PDS5A: variants seen among roughly 807,000 people sequenced by gnomAD.
PDS5A encodes PDS5 cohesin associated factor A.
A neutral mutation model predicts 167.1 loss-of-function variants in PDS5A; 42 were observed. That is an observed-to-expected ratio of 0.25 (90% CI 0.20 to 0.33). The LOEUF (loss-of-function observed/expected upper bound fraction) is 0.33. Ranked by LOEUF, PDS5A falls within the 10% of genes least tolerant of loss-of-function variation. The pLI, the probability that PDS5A is intolerant of heterozygous loss-of-function variation, is 1.00. For synonymous variants in PDS5A, 553 were observed against 554.6 expected, an observed-to-expected ratio of 1.00 and a Z score of 0.04; for missense variants, 1,033 against 1,605.9, an observed-to-expected ratio of 0.64 and a Z score of 6.10.
At chr4:39,903,349 C>A (rs879392450) in intron 12 of PDS5A, among the ~76,000 whole-genome samples, 8 of 152,176 alleles carry the variant, frequency 5.3e-5, no homozygotes, top group Non-Finnish European at 1.2e-4. Context: ...TATCTTCTTG[C>A]TTCTATTATT....
chr4:39,959,081 T>C lies in PDS5A; in HGVS notation c.138+17359A>G, dbSNP rs1264523438. On this transcript the variant is annotated intron_variant, in intron 2 of 32. Transcript: ENST00000303538. ...CAATCAAAATTCTTAGTGATCTTTT[T>C]ATCTAAAGAAACAAATGCAATCCAA... Among the ~76,000 whole-genome samples the C allele has an allele frequency of 3.3e-5, 5 of 152,172 alleles. No homozygotes were observed. The South Asian group carries it at 8.3e-4, about 25-fold the overall frequency.
At position 39,975,105 on chromosome 4, in the gene PDS5A, TCAAA is replaced by T. The variant is rs1730959621; in HGVS notation, c.138+1331_138+1334del. On this transcript the variant is annotated intron_variant, in intron 2 of 32. Transcript: ENST00000303538. ...CTAGGTGACAGAGCAAGACTCCGTC[TCAAA>T]AAAAAAAAAAAAAAAAAAATTTAGC... 9.4e-5 allele frequency among the ~76,000 whole-genome samples: 6 copies of T among 63,934 alleles called. No homozygotes were observed. In the Admixed American group the frequency reaches 1.1e-3, roughly 12 times the overall value. The allele number at this position is 63,934 out of a possible 152,430, so 41.9% of individuals were successfully genotyped here. A position where few individuals can be genotyped will look rare whatever the true frequency, so the allele number is the denominator to read the frequency against.
chr4:39,921,135 C>T (rs1377549821), intron 6 of PDS5A, among the ~76,000 whole-genome samples: 2 of 152,102 alleles, frequency 1.3e-5, no homozygotes, highest in Non-Finnish European at 2.9e-5. Flanking sequence ...GGTCAGCAAA[C>T]TTTTTCTATG....
In PDS5A at chr4:39,867,774, A is replaced by ACACCCC. The variant is rs369419469; in HGVS notation, c.2506-778_2506-777insGGGGTG. On this transcript the variant is annotated intron_variant, in intron 22 of 32. Coordinates refer to ENST00000303538, the MANE Select transcript of PDS5A (RefSeq NM_001100399.2). ...CACACACACACACACACACACACAC[A>ACACCCC]CCCCACAACTGTACTGATTGTGGTG... is the stretch of plus-strand genomic sequence containing the variant. Among the ~76,000 whole-genome samples, 356 of 108,552 alleles carry ACACCCC rather than the reference A, an allele frequency of 3.3e-3. 5 individuals carry two copies. Among genetic ancestry groups the ACACCCC allele is most frequent in the East Asian group, 0.024 (100 of 4,082 alleles). The allele number at this position is 108,552 out of a possible 152,430, so 71.2% of individuals were successfully genotyped here. A position where few individuals can be genotyped will look rare whatever the true frequency, so the allele number is the denominator to read the frequency against.
chr4:39,873,861 T>C (rs141111874), intron 20 of PDS5A, among the ~76,000 whole-genome samples: 117 of 152,142 alleles, frequency 7.7e-4, no homozygotes, highest in African/African-American at 2.6e-3. Flanking sequence ...CTGGGCAACA[T>C]GGCAAAACCC....
intron 8 of PDS5A, 80 bp from the exon 9 acceptor site, chr4:39,913,806 A>G: frequency 1.3e-6 from 1 of 784,464 alleles, no homozygotes; most frequent in Non-Finnish European, 2.3e-6. Context: ...TCTCAAGAAG[A>G]TACTATTTCA....
At chr4:39,878,439 C>CA (rs998268058) in intron 18 of PDS5A, among the ~76,000 whole-genome samples, 1 of 151,352 alleles carries the variant, frequency 6.6e-6, no homozygotes, top group Non-Finnish European at 1.5e-5. Context: ...ACTAAAAATA[C>CA]AAAAAAAATT....
At chr4:39,881,730 C>CT (rs1720945719) in intron 17 of PDS5A, among the ~76,000 whole-genome samples, 1 of 152,168 alleles carries the variant, frequency 6.6e-6, no homozygotes, top group Non-Finnish European at 1.5e-5. Context: ...ATTTACTAAT[C>CT]TATTTTCTCC....
chr4:39,831,759 C>T (rs958327264), intron 32 of PDS5A, among the ~76,000 whole-genome samples: 11 of 150,054 alleles, frequency 7.3e-5, no homozygotes, highest in Non-Finnish European at 1.2e-4. Flanking sequence ...TGCCTGTAAT[C>T]CCAGCTACTA....
chr4:39,937,777 G>A (rs1440123119), intron 2 of PDS5A, among the ~76,000 whole-genome samples: 4 of 152,146 alleles, frequency 2.6e-5, no homozygotes, highest in Non-Finnish European at 4.4e-5. Flanking sequence ...AATGTAAATT[G>A]GTAGAACCAC....
Position 39,898,469 on chromosome 4 carries a change from C to T in PDS5A, c.1690G>A (p.Gly564Ser), listed in dbSNP as rs1042290385. The T allele has an allele frequency of 5.0e-6, 8 of 1,600,312 alleles. No homozygotes were observed. Among genetic ancestry groups the T allele is most frequent in the Non-Finnish European group, 6.8e-6 (8 of 1,173,236 alleles). The change falls in exon 16 of 33, where the codon GGC (glycine) becomes AGC (serine). Residue 564 changes from glycine to serine, a missense_variant. Physicochemically the swap from Gly to Ser is moderately conservative, Grantham distance 56. Around this residue, in one of 4 missense-constraint regions of PDS5A, gnomAD observed 367 missense variants for 686.7 expected, o/e 0.53. Transcript: ENST00000303538. ...DFVKKFNQVLGDDEKLRSQLE... is the reference protein window; with the variant it reads ...DFVKKFNQVLSDDEKLRSQLE... ...TGAGACCGAAGTTTCTCATCATCGC[C>T]GAGAACCTGGTTAAATTTCTTCACA... is the stretch of plus-strand genomic sequence containing the variant.
chr4:39,909,195 G>A (rs937921683), intron 10 of PDS5A, among the ~76,000 whole-genome samples: 9 of 151,340 alleles, frequency 5.9e-5, no homozygotes, highest in Non-Finnish European at 1.3e-4. Context: ...GAGCAATCTC[G>A]GTGCACTGCA....
In PDS5A at chr4:39,825,247, A is replaced by AGGGGG. The variant is rs1715185087; in HGVS notation, c.*233_*237dup. Reference sequence around the variant, plus strand: ...CTTTTCGTAAGAAAAGTCTAGGGGAAGGGGGAGAACAGAGTTGCTTTTAGC... The same window carrying AGGGGG: ...CTTTTCGTAAGAAAAGTCTAGGGGAAGGGGGGGGGGAGAACAGAGTTGCTTTTAGC... On this transcript the variant is annotated 3_prime_UTR_variant, in exon 33 of 33. Transcript: ENST00000303538. 1 of 395,274 alleles carries AGGGGG rather than the reference A, an allele frequency of 2.5e-6. No individual in the cohort carries two copies. The highest frequency in any genetic ancestry group is 1.1e-4 in the South Asian group (1 of 9,242). 24.5% of individuals were successfully genotyped at this position (395,274 alleles called of 1,614,324 possible).
chr4:39,889,138 T>A (rs796682031), intron 17 of PDS5A, among the ~76,000 whole-genome samples: 6 of 152,116 alleles, frequency 3.9e-5, no homozygotes, highest in Non-Finnish European at 7.4e-5. Context: ...AAAATAAGAT[T>A]GAATGGGTGG....
At chr4:39,904,318 C>T (rs188225216) in intron 11 of PDS5A, 127 bp from the exon 12 acceptor site, 13 of 497,980 alleles carry the variant, frequency 2.6e-5, no homozygotes, top group African/African-American at 2.0e-4. Context: ...CACTATTTCT[C>T]TTCAAAAGAG....
At chr4:39,925,068 C>T (rs1190849032) in intron 5 of PDS5A, among the ~76,000 whole-genome samples, 1 of 152,056 alleles carries the variant, frequency 6.6e-6, no homozygotes, top group Non-Finnish European at 1.5e-5. Context: ...GCCAAGATGG[C>T]ACCACTGCAC....
chr4:39,833,191 CAAAA>C (rs1166233113), intron 32 of PDS5A, among the ~76,000 whole-genome samples: 1 of 37,922 alleles, frequency 2.6e-5, no homozygotes, highest in Non-Finnish European at 4.1e-5. Context: ...AACTCCGTCT[CAAAA>C]AAAAAAAAAA....
At chr4:39,940,229 T>TAAAAGAA (rs1172443218) in intron 2 of PDS5A, among the ~76,000 whole-genome samples, 10 of 150,942 alleles carry the variant, frequency 6.6e-5, no homozygotes, top group African/African-American at 2.4e-4. Context: ...GAAGAAAAAA[T>TAAAAGAA]AAAAGAAAAA....
In PDS5A at chr4:39,961,023, C is replaced by T. The variant is rs531010980; in HGVS notation, c.138+15417G>A. On this transcript the variant is annotated intron_variant, in intron 2 of 32. Transcript: ENST00000303538. ...TTTTTTGTAGAGGTGGGGGTCTCAC[C>T]GGCCTTGAACTCCTGGCCTCAAGCA... Among the ~76,000 whole-genome samples the T allele has an allele frequency of 4.0e-4, 59 of 145,928 alleles. 1 individual carries two copies. Among genetic ancestry groups the T allele is most frequent in the African/African-American group, 9.1e-4 (36 of 39,758 alleles).
Sources: allele counts gnomAD v4.1 joint callset (sites outside exome capture counted in the v4.1 genomes callset), GRCh38; gene constraint gnomAD v4.1.1; regional missense constraint gnomAD v4.1.1; transcripts MANE v1.5; gene names NCBI Gene and HGNC (gene_info 2026-07-23, HGNC 2026-07-21).